The following HOMER1 variants were observed in gnomAD, a reference collection of about 807,000 sequenced individuals.
HOMER1 encodes the protein homer protein homolog 1.
HOMER1 carries 3 observed loss-of-function variants against 48.9 expected under a neutral mutation model. The observed-to-expected ratio is 0.06, with a 90% CI of 0.03 to 0.16. The LOEUF (loss-of-function observed/expected upper bound fraction) is 0.16. Among genes scored for constraint, HOMER1 ranks in the 10% least tolerant of loss-of-function variants. The pLI, the probability that HOMER1 is intolerant of heterozygous loss-of-function variation, is 1.00. For synonymous variants in HOMER1, 134 were observed against 146.4 expected, an observed-to-expected ratio of 0.92 and a Z score of 0.61; for missense variants, 247 against 411.4, an observed-to-expected ratio of 0.60 and a Z score of 3.46.
At chr5:79,504,520 T>C (rs1752694484) in intron 1 of HOMER1, among the ~76,000 whole-genome samples, 2 of 152,256 alleles carry the variant, frequency 1.3e-5, no homozygotes, top group South Asian at 2.1e-4. Flanking sequence ...TACAGACTTA[T>C]CTTCCAGGAA....
chr5:79,418,777 T>G (rs1243331848), intron 5 of HOMER1, among the ~76,000 whole-genome samples: 2 of 152,230 alleles, frequency 1.3e-5, no homozygotes, highest in Non-Finnish European at 2.9e-5. Context: ...TTTTTCAAAC[T>G]GAACTACAAT....
At chr5:79,493,483 A>G (rs571895345) in intron 1 of HOMER1, among the ~76,000 whole-genome samples, 1 of 152,316 alleles carries the variant, frequency 6.6e-6, no homozygotes, top group African/African-American at 2.4e-5. Flanking sequence ...GATCTCATAT[A>G]CTTAGAACAC....
At chr5:79,468,210 C>T (rs1482125338) in intron 1 of HOMER1, among the ~76,000 whole-genome samples, 1 of 152,138 alleles carries the variant, frequency 6.6e-6, no homozygotes, top group African/African-American at 2.4e-5. Flanking sequence ...TTAATTTAAA[C>T]TTTATCTGAT....
Position 79,513,110 on chromosome 5 carries a change from T to C in HOMER1, c.-336A>G, listed in dbSNP as rs1752987166. ...TCACCGAGTCCTATAAAAAATGAGT[T>C]CGCTGGTCATTTCACTCATGTCCTC... On this transcript the variant is annotated 5_prime_UTR_variant, in exon 1 of 9. Coordinates refer to ENST00000334082, the MANE Select transcript of HOMER1 (RefSeq NM_004272.5). 1 of 341,674 alleles carries C rather than the reference T, an allele frequency of 2.9e-6. No homozygotes were observed. The highest frequency in any genetic ancestry group is 5.0e-5 in the Admixed American group (1 of 20,054). 21.2% of individuals were successfully genotyped at this position (341,674 alleles called of 1,614,324 possible).
At chr5:79,405,945 T>C (rs979010409) in intron 5 of HOMER1, among the ~76,000 whole-genome samples, 5 of 152,210 alleles carry the variant, frequency 3.3e-5, no homozygotes, top group African/African-American at 1.2e-4. Context: ...CAGGCATGCA[T>C]ATACGGTAAC....
chr5:79,507,204 C>T (rs1412098995), intron 1 of HOMER1, among the ~76,000 whole-genome samples: 1 of 112,530 alleles, frequency 8.9e-6, no homozygotes, highest in Non-Finnish European at 1.7e-5. Flanking sequence ...CAGAGTGAGG[C>T]TCTATCTCAA....
Position 79,418,675 on chromosome 5 carries a change from TTAAC to T in HOMER1, c.528-16624_528-16621del, listed in dbSNP as rs544841611. ...GGGCTTCCTTTAACCTAAGTATGAATTAACTAACACAGGCTATTAAATTCAGATG... is the reference window on the plus strand; with the variant it reads ...GGGCTTCCTTTAACCTAAGTATGAATTAACACAGGCTATTAAATTCAGATG... On this transcript the variant is annotated intron_variant, in intron 5 of 8. Coordinates refer to ENST00000334082, the MANE Select transcript of HOMER1 (RefSeq NM_004272.5). Among the ~76,000 whole-genome samples, 25 of 152,332 alleles carry T rather than the reference TTAAC, an allele frequency of 1.6e-4. 1 individual carries two copies. The highest frequency in any genetic ancestry group is 5.1e-4 in the African/African-American group (21 of 41,580).
Position 79,439,034 on chromosome 5 carries a change from T to A in HOMER1, c.503A>T (p.Gln168Leu), listed in dbSNP as rs751821930. The change falls in exon 5 of 9, where the codon CAG becomes CTG. Residue 168 changes from glutamine (Q) to leucine (L), a missense_variant. This residue lies in a region of HOMER1 where 94 missense variants were observed against 112.4 expected (regional missense o/e 0.84). Transcript: ENST00000334082. ...CCTATGTGAAAATGGCAATGCATTC[T>A]GAGTTGGTTCAGCCCTTGGCTCTGA... The part of the protein sequence containing the change: ...QNSEPRAEPT[Q>L]NALPFSHSSA... 1 of 1,613,760 alleles carries A rather than the reference T, an allele frequency of 6.2e-7. No individual in the cohort carries two copies. Among genetic ancestry groups the A allele is most frequent in the Non-Finnish European group, 8.5e-7 (1 of 1,179,668 alleles).
In HOMER1 at chr5:79,472,827, T is replaced by C. The variant is rs560829789; in HGVS notation, c.6-15809A>G. Among the ~76,000 whole-genome samples, 6 of 152,246 alleles carry C rather than the reference T, an allele frequency of 3.9e-5. No homozygotes were observed. In the South Asian group the frequency reaches 1.2e-3, roughly 32 times the overall value. On this transcript the variant is annotated intron_variant, in intron 1 of 8. Coordinates refer to ENST00000334082, the MANE Select transcript of HOMER1 (RefSeq NM_004272.5). ...AAAAAAATTACAGCCCTAGTGATAT[T>C]AGATTCACCTAGCAAACAGATTTGC...
intron 1 of HOMER1, among the ~76,000 whole-genome samples, chr5:79,501,445 A>T (rs138152548): frequency 3.3e-5 from 5 of 152,346 alleles, no homozygotes; most frequent in Non-Finnish European, 5.9e-5. Context: ...GGTAAATGTG[A>T]GTTGGTGGGG....
At chr5:79,419,502 T>C (rs1335189487) in intron 5 of HOMER1, among the ~76,000 whole-genome samples, 1 of 151,932 alleles carries the variant, frequency 6.6e-6, no homozygotes, top group Non-Finnish European at 1.5e-5. Context: ...TTTTATGAGC[T>C]TGTGGTAAGT....
At chr5:79,452,708 G>C (rs1168476672) in intron 2 of HOMER1, among the ~76,000 whole-genome samples, 1 of 151,984 alleles carries the variant, frequency 6.6e-6, no homozygotes, top group African/African-American at 2.4e-5. Flanking sequence ...CAGTAAAACA[G>C]AGTGGTCCCT....
intron 4 of HOMER1, among the ~76,000 whole-genome samples, chr5:79,445,225 C>T (rs1410969800): frequency 6.6e-6 from 1 of 152,124 alleles, no homozygotes; most frequent in Admixed American, 6.6e-5. Flanking sequence ...TGACATTATT[C>T]CAGAGAAACA....
At chr5:79,479,794 T>C (rs1482215322) in intron 1 of HOMER1, among the ~76,000 whole-genome samples, 1 of 150,800 alleles carries the variant, frequency 6.6e-6, no homozygotes, top group African/African-American at 2.5e-5. Flanking sequence ...CTCTACCACC[T>C]AAAATTATTC....
intron 1 of HOMER1, among the ~76,000 whole-genome samples, chr5:79,476,250 C>A (rs80198296): frequency 2.0e-5 from 3 of 151,982 alleles, no homozygotes; most frequent in Admixed American, 1.3e-4. Context: ...GGAAAAAAAA[C>A]GAACTCAAGC....
intron 5 of HOMER1, among the ~76,000 whole-genome samples, chr5:79,403,481 A>C (rs1295281671): frequency 6.6e-6 from 1 of 152,204 alleles, no homozygotes; most frequent in African/African-American, 2.4e-5. Flanking sequence ...GTATTCTTGC[A>C]ATAAATGCGT....
intron 8 of HOMER1, among the ~76,000 whole-genome samples, chr5:79,394,754 G>C (rs1749337606): frequency 1.3e-5 from 2 of 152,082 alleles, no homozygotes; most frequent in Admixed American, 1.3e-4. Context: ...TTTTTTTGTA[G>C]ATGCAGCATT....
intron 4 of HOMER1, among the ~76,000 whole-genome samples, chr5:79,443,050 C>T (rs1750778396): frequency 2.0e-5 from 3 of 152,138 alleles, no homozygotes; most frequent in Admixed American, 2.0e-4. Context: ...TTAATTGTTA[C>T]TCTGCTTGAA....
At chr5:79,421,298 A>G (rs372879301) in intron 5 of HOMER1, among the ~76,000 whole-genome samples, 1 of 152,354 alleles carries the variant, frequency 6.6e-6, no homozygotes, top group Admixed American at 6.5e-5. Context: ...AAACTTGTAG[A>G]ACAAGTGTTC....
Sources: gnomAD v4.1 joint callset for allele counts (sites outside exome capture counted in the v4.1 genomes callset) on GRCh38, gnomAD v4.1.1 for gene constraint, gnomAD v4.1.1 regional missense constraint, MANE v1.5 for transcripts, NCBI Gene and HGNC (gene_info 2026-07-23, HGNC 2026-07-21) for gene names.